CNTN4: variants seen among roughly 807,000 people sequenced by gnomAD.
CNTN4 encodes contactin-4.
CNTN4 carries 77 observed loss-of-function variants against 122.5 expected under a neutral mutation model. The observed-to-expected ratio is 0.63, with a 90% CI of 0.52 to 0.76. The LOEUF (loss-of-function observed/expected upper bound fraction) is 0.76, where lower values mean the gene tolerates loss of function less well. Ranked by LOEUF, CNTN4 falls within the 30% of genes least tolerant of loss-of-function variation. CNTN4 has a pLI of 0.00. For missense variants in CNTN4, 1,256 were observed against 1,259.1 expected (o/e 1.00, Z 0.04); for synonymous variants, 512 against 447.0 (o/e 1.15, Z -1.83).
chr3:2,796,422 T>C (rs1576825623), intron 6 of CNTN4, among the ~76,000 whole-genome samples: 2 of 152,106 alleles, frequency 1.3e-5, no homozygotes, highest in Admixed American at 1.3e-4. Context: ...TCTAAAAATA[T>C]CACTTGATTA....
rs531164249 is a variant in CNTN4 at position 2,573,448 on chromosome 3, A to G, written c.55+1890A>G. Among the ~76,000 whole-genome samples the G allele has an allele frequency of 1.5e-3, 224 of 152,194 alleles. 1 individual carries two copies. The highest frequency in any genetic ancestry group is 4.3e-3 in the African/African-American group (179 of 41,514). On this transcript the variant is annotated intron_variant, in intron 4 of 24. Transcript: ENST00000418658. The stretch of plus-strand genomic sequence containing the variant: ...AATACCTCAGTTGTTTTTCTCTGGG[A>G]CCTTGACCCTCCTAAGGGATTCGAC...
Position 2,523,683 on chromosome 3 carries a change from G to A in CNTN4, c.-88-47733G>A, listed in dbSNP as rs147683907. ...TTTCAGATCAGGACGGCAACAGAGA[G>A]TAAACAACACTGCAGAGTCTCTCTG... On this transcript the variant is annotated intron_variant, in intron 3 of 24. Transcript: ENST00000418658. Among the ~76,000 whole-genome samples, 103 of 152,166 alleles carry A rather than the reference G, an allele frequency of 6.8e-4. 1 individual carries two copies. Among genetic ancestry groups the A allele is most frequent in the African/African-American group, 2.4e-3 (101 of 41,544 alleles).
At chr3:2,996,199 GA>G (rs1274196069) in intron 14 of CNTN4, among the ~76,000 whole-genome samples, 1 of 151,982 alleles carries the variant, frequency 6.6e-6, no homozygotes, top group African/African-American at 2.4e-5. Context: ...TTCATGGGGG[GA>G]AAAAGGCTGG....
intron 9 of CNTN4, among the ~76,000 whole-genome samples, chr3:2,884,224 C>A (rs1041267117): frequency 3.9e-5 from 6 of 152,124 alleles, no homozygotes; most frequent in Admixed American, 1.3e-4. Flanking sequence ...TAGTCCCTAG[C>A]CACTGAGCCA....
chr3:2,494,794 G>C (rs1011300356), intron 3 of CNTN4, among the ~76,000 whole-genome samples: 2 of 152,218 alleles, frequency 1.3e-5, no homozygotes, highest in Non-Finnish European at 2.9e-5. Flanking sequence ...AATAGTCTGT[G>C]TGGTCAGTCT....
chr3:2,639,550 C>G (rs1412810393), intron 4 of CNTN4, among the ~76,000 whole-genome samples: 2 of 152,158 alleles, frequency 1.3e-5, no homozygotes, highest in Non-Finnish European at 2.9e-5. Flanking sequence ...AAACTTCTAA[C>G]ACACTATGTA....
At chr3:2,425,861 C>G (rs1193726978) in intron 3 of CNTN4, among the ~76,000 whole-genome samples, 1 of 152,048 alleles carries the variant, frequency 6.6e-6, no homozygotes, top group Non-Finnish European at 1.5e-5. Flanking sequence ...TGATTTGGCT[C>G]TCTGTTTGTC....
At chr3:2,927,192 T>C (rs2094480951) in intron 13 of CNTN4, 1 of 360,160 alleles carries the variant, frequency 2.8e-6, no homozygotes, top group East Asian at 7.6e-5. Context: ...AATAAAGTTA[T>C]AATAACACTG....
chr3:2,504,898 T>C (rs1232973758), intron 3 of CNTN4, among the ~76,000 whole-genome samples: 2 of 152,134 alleles, frequency 1.3e-5, no homozygotes, highest in Non-Finnish European at 2.9e-5. Flanking sequence ...TGGGGGACTG[T>C]TCTCTATAAA....
intron 2 of CNTN4, among the ~76,000 whole-genome samples, chr3:2,105,256 A>G (rs1375753568): frequency 6.6e-6 from 1 of 152,214 alleles, no homozygotes; most frequent in African/African-American, 2.4e-5. Context: ...CTACTTGAGA[A>G]TGAAGCCAAC....
At chr3:2,984,294 T>A (rs1484920403) in intron 13 of CNTN4, among the ~76,000 whole-genome samples, 2 of 152,188 alleles carry the variant, frequency 1.3e-5, no homozygotes, top group African/African-American at 4.8e-5. Flanking sequence ...TTCACCTATC[T>A]TATCTCATTA....
chr3:2,815,836 G>A (rs111348408), intron 6 of CNTN4, among the ~76,000 whole-genome samples: 3,844 of 148,712 alleles, frequency 0.026, 181 homozygotes, highest in African/African-American at 0.09. Flanking sequence ...ACCAACACAA[G>A]TGCCCATCAA....
chr3:2,707,944 A>T (rs1022106729), intron 4 of CNTN4, among the ~76,000 whole-genome samples: 3 of 152,198 alleles, frequency 2.0e-5, no homozygotes, highest in African/African-American at 2.4e-5. Flanking sequence ...GAATCCAATA[A>T]ATTATAATAT....
At chr3:2,763,505 T>C (rs1163122541) in intron 6 of CNTN4, among the ~76,000 whole-genome samples, 1 of 152,214 alleles carries the variant, frequency 6.6e-6, no homozygotes. Context: ...CATTTGTCAA[T>C]TTTTGCTTTA....
intron 3 of CNTN4, chr3:2,362,512 G>A (rs1374940694): frequency 3.5e-6 from 2 of 574,730 alleles, no homozygotes; most frequent in African/African-American, 1.9e-5. Flanking sequence ...ATAGGCTCCT[G>A]TGCACTTTCT....
At chr3:2,895,854 G>A in intron 10 of CNTN4, among the ~76,000 whole-genome samples, 1 of 152,152 alleles carries the variant, frequency 6.6e-6, no homozygotes, top group Non-Finnish European at 1.5e-5. Context: ...CTAACAGGGT[G>A]AAACCCCGTC....
At chr3:2,203,797 T>A (rs1170211864) in intron 2 of CNTN4, among the ~76,000 whole-genome samples, 1 of 152,154 alleles carries the variant, frequency 6.6e-6, no homozygotes. Flanking sequence ...CAACTAATGC[T>A]GTATGATTGT....
chr3:3,011,231 C>T (rs1345095569), intron 14 of CNTN4, among the ~76,000 whole-genome samples: 1 of 152,168 alleles, frequency 6.6e-6, no homozygotes, highest in Non-Finnish European at 1.5e-5. Context: ...TCAGACCTTT[C>T]ATGTCCCTCA....
At chr3:2,530,390 C>G (rs2149226113) in intron 3 of CNTN4, among the ~76,000 whole-genome samples, 1 of 150,142 alleles carries the variant, frequency 6.7e-6, no homozygotes, top group East Asian at 2.0e-4. Flanking sequence ...CTCACTGCAA[C>G]CTCCACCTCC....
Sources: gnomAD v4.1 joint callset for allele counts (sites outside exome capture counted in the v4.1 genomes callset) on GRCh38, gnomAD v4.1.1 for gene constraint, MANE v1.5 for transcripts, NCBI Gene and HGNC (gene_info 2026-07-23, HGNC 2026-07-21) for gene names.